The following DESI2 variants were observed in gnomAD, a reference collection of about 807,000 sequenced individuals.
DESI2 encodes the protein desumoylating isopeptidase 2.
DESI2 carries 10 observed loss-of-function variants against 24.1 expected under a neutral mutation model. The observed-to-expected ratio is 0.41, with a 90% CI of 0.26 to 0.70. The LOEUF is 0.70. Ranked by LOEUF, DESI2 falls within the 30% of genes least tolerant of loss-of-function variation. The pLI is 0.29. For missense variants in DESI2, 122 were observed against 234.9 expected (o/e 0.52, Z 3.14); for synonymous variants, 71 against 87.7 (o/e 0.81, Z 1.06).
At position 244,703,000 on chromosome 1, in the gene DESI2, C is replaced by CCTTT. The variant is rs1456399408; in HGVS notation, c.352-2556_352-2555insCTTT. On this transcript the variant is annotated intron_variant, in intron 4 of 4. Transcript: ENST00000302550. The stretch of plus-strand genomic sequence containing the variant: ...ACAATGTAATATTTGTTTGCCAGCG[C>CCTTT]TTTTTTTTTTTTTTTTGGTGAGACG... Among the ~76,000 whole-genome samples, 106 of 131,606 alleles carry CCTTT rather than the reference C, an allele frequency of 8.1e-4. 1 individual carries two copies. Among genetic ancestry groups the CCTTT allele is most frequent in the African/African-American group, 2.7e-3 (96 of 34,994 alleles). The allele number at this position is 131,606 out of a possible 152,430, so 86.3% of individuals were successfully genotyped here. A position where few individuals can be genotyped will look rare whatever the true frequency, so the allele number is the denominator to read the frequency against.
rs1481569597 is a variant in DESI2, at chr1:244,706,486, C to T, written c.*697C>T. 5 of 152,700 alleles carry T rather than the reference C, an allele frequency of 3.3e-5. No homozygotes were observed. Among genetic ancestry groups the T allele is most frequent in the Non-Finnish European group, 7.3e-5 (5 of 68,070 alleles). The allele number at this position is 152,700 out of a possible 1,614,324, so 9.5% of individuals were successfully genotyped here. On this transcript the variant is annotated 3_prime_UTR_variant, in exon 5 of 5. Transcript: ENST00000302550. ...CGGGGTGGTATGTTCTTACGTCTCT[C>T]TGACTTTGATGCCACTCATTCTATA...
At chr1:244,687,732 C>G (rs12732509) in intron 2 of DESI2, among the ~76,000 whole-genome samples, 36,694 of 152,062 alleles carry the variant, frequency 0.24, 4,465 homozygotes, top group South Asian at 0.33. Flanking sequence ...CTGCATCTAC[C>G]AAATAATCCC....
chr1:244,705,872 A>G lies in DESI2; in HGVS notation c.*83A>G. ...AAGTAAACAGAGAAGCATCCTTTAGATATTTTGTATGCAAAGATGGCTCTC... is the reference window on the plus strand; with the variant it reads ...AAGTAAACAGAGAAGCATCCTTTAGGTATTTTGTATGCAAAGATGGCTCTC... On this transcript the variant is annotated 3_prime_UTR_variant, in exon 5 of 5. Transcript: ENST00000302550. 2.1e-6 allele frequency: 2 copies of G among 966,968 alleles called. No homozygotes were observed. Among genetic ancestry groups the G allele is most frequent in the South Asian group, 1.6e-5 (1 of 63,118 alleles). 59.9% of individuals were successfully genotyped at this position (966,968 alleles called of 1,614,324 possible).
chr1:244,658,594 A>G (rs2148779399), intron 1 of DESI2, among the ~76,000 whole-genome samples: 2 of 152,342 alleles, frequency 1.3e-5, no homozygotes, highest in Middle Eastern at 6.8e-3. Context: ...AGGGCCTGTC[A>G]CTAGATGGTG....
chr1:244,657,104 A>G (rs1239118623), intron 1 of DESI2, among the ~76,000 whole-genome samples: 2 of 152,230 alleles, frequency 1.3e-5, no homozygotes, highest in Non-Finnish European at 2.9e-5. Context: ...TAGTACCTAT[A>G]CATCTTCAAA....
chr1:244,689,804 C>T lies in DESI2; in HGVS notation c.209+462C>T, dbSNP rs2148808304. Among the ~76,000 whole-genome samples, 1 of 152,340 alleles carries T rather than the reference C, an allele frequency of 6.6e-6. No individual in the cohort carries two copies. Among genetic ancestry groups the T allele is most frequent in the East Asian group, 1.9e-4 (1 of 5,182 alleles). ...GGATTACAGGCGTGAGCCACCACGC[C>T]CAGCCCAGGAAACTCCTTTCTAATG... On this transcript the variant is annotated intron_variant, in intron 3 of 4. Transcript: ENST00000302550. The surrounding 1 kb of genome is among the most constrained non-coding windows in gnomAD (Gnocchi z 4.0).
chr1:244,701,118 C>T (rs1357869063), intron 4 of DESI2, among the ~76,000 whole-genome samples: 1 of 146,544 alleles, frequency 6.8e-6, no homozygotes, highest in Non-Finnish European at 1.5e-5. Flanking sequence ...ATTTTTCAGC[C>T]TATCTAGATT....
At chr1:244,686,487 G>A (rs536389592) in intron 1 of DESI2, 110 bp from the exon 2 acceptor site, 6 of 712,396 alleles carry the variant, frequency 8.4e-6, no homozygotes, top group Admixed American at 2.1e-5. Context: ...CCACTGGATC[G>A]TTATCATGGG....
intron 4 of DESI2, among the ~76,000 whole-genome samples, chr1:244,699,409 C>T (rs1477050785): frequency 2.0e-5 from 3 of 149,814 alleles, no homozygotes. Context: ...GGATGTACAA[C>T]AGGATGTACT....
chr1:244,667,585 G>A (rs1676090616), intron 1 of DESI2, among the ~76,000 whole-genome samples: 2 of 152,210 alleles, frequency 1.3e-5, no homozygotes, highest in Non-Finnish European at 1.5e-5. Flanking sequence ...TAAAAAGGGG[G>A]TAGGATACAA....
chr1:244,706,479 C>T lies in DESI2; in HGVS notation c.*690C>T, dbSNP rs537538041. ...ACCTAGGCGGGGTGGTATGTTCTTA[C>T]GTCTCTCTGACTTTGATGCCACTCA... On this transcript the variant is annotated 3_prime_UTR_variant, in exon 5 of 5. Coordinates refer to ENST00000302550, the MANE Select transcript of DESI2 (RefSeq NM_016076.5). 27 of 152,802 alleles carry T rather than the reference C, an allele frequency of 1.8e-4. No homozygotes were observed. The highest frequency in any genetic ancestry group is 5.5e-4 in the African/African-American group (23 of 41,576). 9.5% of individuals were successfully genotyped at this position (152,802 alleles called of 1,614,324 possible).
At position 244,660,251 on chromosome 1, in the gene DESI2, C is replaced by T. The variant is rs553619605; in HGVS notation, c.42+6896C>T. Reference sequence around the variant, plus strand: ...CGCCATCTCTGCTCACTGCAACCTCCGCCTCCTGGGTTCAAGCAATTTTCC... The same window carrying T: ...CGCCATCTCTGCTCACTGCAACCTCTGCCTCCTGGGTTCAAGCAATTTTCC... On this transcript the variant is annotated intron_variant, in intron 1 of 4. Transcript: ENST00000302550. 1.1e-4 allele frequency among the ~76,000 whole-genome samples: 16 copies of T among 152,226 alleles called. No individual in the cohort carries two copies. In the South Asian group the frequency reaches 2.7e-3, roughly 26 times the overall value.
chr1:244,681,881 C>T (rs919716416), intron 1 of DESI2, among the ~76,000 whole-genome samples: 2 of 152,106 alleles, frequency 1.3e-5, no homozygotes, highest in East Asian at 1.9e-4. Context: ...TGGTTCCTTC[C>T]GGTGGGTTCT....
rs1168313151 is a variant in DESI2 at position 244,705,654 on chromosome 1, C to A, written c.450C>A (p.Leu150=). 2 of 1,614,162 alleles carry A rather than the reference C, an allele frequency of 1.2e-6. No individual in the cohort carries two copies. The change falls in exon 5 of 5, where the codon CTC becomes CTA. Residue 150 remains leucine (L), a synonymous_variant. Coordinates refer to ENST00000302550, the MANE Select transcript of DESI2 (RefSeq NM_016076.5). ...FLQSCLPKEW[L]TPAALQSSVS... ...AGAGTTGCCTCCCGAAGGAGTGGCTCACGCCCGCAGCCCTGCAGTCTAGTG... is the reference window on the plus strand; with the variant it reads ...AGAGTTGCCTCCCGAAGGAGTGGCTAACGCCCGCAGCCCTGCAGTCTAGTG...
chr1:244,653,652 G>A (rs2148774658), intron 1 of DESI2: 1 of 502,410 alleles, frequency 2.0e-6, no homozygotes, highest in South Asian at 2.4e-5. Flanking sequence ...CTTGGCCGAC[G>A]TGCAGTGTCC....
intron 1 of DESI2, among the ~76,000 whole-genome samples, chr1:244,655,380 A>G (rs1675611931): frequency 6.6e-6 from 1 of 152,226 alleles, no homozygotes; most frequent in Non-Finnish European, 1.5e-5. Context: ...AAGCATATGA[A>G]TGTTTATCGG....
Position 244,689,844 on chromosome 1 carries a change from A to G in DESI2, c.209+502A>G, listed in dbSNP as rs570780849. Among the ~76,000 whole-genome samples the G allele has an allele frequency of 2.0e-5, 3 of 152,152 alleles. No homozygotes were observed. Among genetic ancestry groups the G allele is most frequent in the Admixed American group, 6.5e-5 (1 of 15,284 alleles). On this transcript the variant is annotated intron_variant, in intron 3 of 4. Transcript: ENST00000302550. The surrounding 1 kb of genome is among the most constrained non-coding windows in gnomAD (Gnocchi z 4.0). The stretch of plus-strand genomic sequence containing the variant: ...CCTTTCTAATGATTTCTTCCCCTCA[A>G]TCTCCTGTTTGAAAGGAGAAAAAGT...
At position 244,707,810 on chromosome 1, in the gene DESI2, TTTA is replaced by T. The variant is rs1340955431; in HGVS notation, c.*2024_*2026del. 1 of 152,190 alleles carries T rather than the reference TTTA, an allele frequency of 6.6e-6. No homozygotes were observed. Among genetic ancestry groups the T allele is most frequent in the Non-Finnish European group, 1.5e-5 (1 of 68,040 alleles). 9.4% of individuals were successfully genotyped at this position (152,190 alleles called of 1,614,324 possible). On this transcript the variant is annotated 3_prime_UTR_variant, in exon 5 of 5. Coordinates refer to ENST00000302550, the MANE Select transcript of DESI2 (RefSeq NM_016076.5). Reference sequence around the variant, plus strand: ...TCCAGCAAGTCAGCACACAAGTGATTTTATTGTTATTTTGTTGTATTTACTTGC... The same window carrying T: ...TCCAGCAAGTCAGCACACAAGTGATTTTGTTATTTTGTTGTATTTACTTGC...
chr1:244,707,755 C>T lies in DESI2; in HGVS notation c.*1966C>T, dbSNP rs1677767783. Reference sequence around the variant, plus strand: ...TAGTTAGACTCTTCTTAGTGAATATCAGGAACATCCCATCTGTGCTTAACC... The same window carrying T: ...TAGTTAGACTCTTCTTAGTGAATATTAGGAACATCCCATCTGTGCTTAACC... On this transcript the variant is annotated 3_prime_UTR_variant, in exon 5 of 5. Coordinates refer to ENST00000302550, the MANE Select transcript of DESI2 (RefSeq NM_016076.5). The T allele has an allele frequency of 6.6e-6, 1 of 152,204 alleles. No individual in the cohort carries two copies. The highest frequency in any genetic ancestry group is 6.6e-5 in the Admixed American group (1 of 15,260). 9.4% of individuals were successfully genotyped at this position (152,204 alleles called of 1,614,324 possible).
Sources: gnomAD v4.1 joint callset for allele counts (sites outside exome capture counted in the v4.1 genomes callset) on GRCh38, gnomAD v4.1.1 for gene constraint, Gnocchi (gnomAD v3.1) non-coding constraint, MANE v1.5 for transcripts, NCBI Gene and HGNC (gene_info 2026-07-23, HGNC 2026-07-21) for gene names.